Variants in CA10 observed in about 807,000 individuals in gnomAD.
CA10 encodes carbonic anhydrase 10 (inactive), also known as carbonic anhydrase-related protein 10.
CA10 carries 14 observed loss-of-function variants against 44.2 expected under a neutral mutation model. The ratio of observed to expected loss-of-function variants is 0.32; its 90% CI spans 0.21 to 0.50. The LOEUF is 0.50. Ranked by LOEUF, CA10 falls within the 20% of genes least tolerant of loss-of-function variation. The pLI is 0.99. For synonymous variants in CA10, 159 were observed against 141.6 expected (o/e 1.12, Z -0.87); for missense variants, 350 against 409.7 (o/e 0.85, Z 1.26).
intron 1 of CA10, among the ~76,000 whole-genome samples, chr17:52,102,241 G>A (rs1054208624): frequency 6.6e-6 from 1 of 152,166 alleles, no homozygotes; most frequent in Non-Finnish European, 1.5e-5. Context: ...AATTCTGGCC[G>A]GCCTCCTTAG....
At chr17:52,136,330 AACACC>A (rs1439430657) in intron 1 of CA10, among the ~76,000 whole-genome samples, 1 of 152,184 alleles carries the variant, frequency 6.6e-6, no homozygotes, top group Non-Finnish European at 1.5e-5. Context: ...AGCATTAGAA[AACACC>A]ACCAAGTCTG....
intron 4 of CA10, among the ~76,000 whole-genome samples, chr17:51,714,006 T>G (rs527706458): frequency 6.6e-6 from 1 of 152,318 alleles, no homozygotes; most frequent in African/African-American, 2.4e-5. Flanking sequence ...CTTTTCCGTT[T>G]CTTATAGTCA....
intron 4 of CA10, among the ~76,000 whole-genome samples, chr17:51,709,696 G>C (rs1220004918): frequency 1.3e-5 from 2 of 152,234 alleles, no homozygotes; most frequent in Non-Finnish European, 2.9e-5. Flanking sequence ...ATGGCTTGGA[G>C]TGTTCCCCAG....
intron 3 of CA10, among the ~76,000 whole-genome samples, chr17:51,921,389 C>T (rs1982225316): frequency 6.6e-6 from 1 of 152,188 alleles, no homozygotes; most frequent in Admixed American, 6.5e-5. Flanking sequence ...TACTTTCAAA[C>T]AGCAGAGCTA....
intron 2 of CA10, among the ~76,000 whole-genome samples, chr17:52,006,205 A>G (rs953505384): frequency 6.6e-6 from 1 of 151,844 alleles, no homozygotes; most frequent in Non-Finnish European, 1.5e-5. Flanking sequence ...AGCAGTTCCT[A>G]CAGAAGGAAG....
chr17:51,944,700 A>C (rs979556486), intron 2 of CA10, among the ~76,000 whole-genome samples: 5 of 152,118 alleles, frequency 3.3e-5, no homozygotes, highest in Non-Finnish European at 5.9e-5. Context: ...AATAACCAAA[A>C]TGTGGATAGA....
chr17:51,746,279 T>A (rs1021404599), intron 4 of CA10, among the ~76,000 whole-genome samples: 3 of 152,252 alleles, frequency 2.0e-5, no homozygotes, highest in African/African-American at 4.8e-5. Flanking sequence ...CATTGTTGTT[T>A]ATCAATCATT....
intron 3 of CA10, among the ~76,000 whole-genome samples, chr17:51,835,600 A>G (rs1908448663): frequency 6.6e-6 from 1 of 152,258 alleles, no homozygotes; most frequent in Admixed American, 6.5e-5. Context: ...TCGATTCAAC[A>G]AAATAAACAT....
rs941964676 is a variant in CA10, at chr17:52,014,329, A to G, written c.136+57990T>C. Reference sequence around the variant, plus strand: ...GAAGGGAAAGCCTAGAATCACATGCATTATGTGCAAAGTTGGAATACGAAG... The same window carrying G: ...GAAGGGAAAGCCTAGAATCACATGCGTTATGTGCAAAGTTGGAATACGAAG... On this transcript the variant is annotated intron_variant, in intron 2 of 8. Coordinates refer to ENST00000451037, the MANE Select transcript of CA10 (RefSeq NM_020178.5). Among the ~76,000 whole-genome samples the G allele has an allele frequency of 2.6e-5, 4 of 152,082 alleles. No homozygotes were observed. The South Asian group carries it at 8.3e-4, about 32-fold the overall frequency.
chr17:51,787,488 CTTTT>C (rs928537348), intron 3 of CA10, among the ~76,000 whole-genome samples: 11 of 150,252 alleles, frequency 7.3e-5, no homozygotes, highest in Non-Finnish European at 1.5e-4. Flanking sequence ...TTCTATTTTT[CTTTT>C]TTTTCCTTTT....
chr17:51,655,824 G>A (rs1482644451), intron 4 of CA10, among the ~76,000 whole-genome samples: 2 of 152,228 alleles, frequency 1.3e-5, no homozygotes, highest in Non-Finnish European at 1.5e-5. Context: ...TGCTGCTCTT[G>A]AAATATCCTA....
At chr17:51,856,908 A>C (rs1310017152) in intron 3 of CA10, among the ~76,000 whole-genome samples, 1 of 152,202 alleles carries the variant, frequency 6.6e-6, no homozygotes, top group African/African-American at 2.4e-5. Context: ...GACATAACAT[A>C]AAGTCCATGG....
chr17:51,660,460 C>T (rs1232995492), intron 4 of CA10, among the ~76,000 whole-genome samples: 4 of 152,216 alleles, frequency 2.6e-5, no homozygotes, highest in Admixed American at 2.6e-4. Flanking sequence ...TCCAAGTTGA[C>T]ACAAGCCACA....
intron 1 of CA10, among the ~76,000 whole-genome samples, chr17:52,155,881 C>A (rs1329280730): frequency 6.6e-6 from 1 of 152,182 alleles, no homozygotes; most frequent in Admixed American, 6.5e-5. Flanking sequence ...CTAATGCTTC[C>A]ATTTGAATAA....
intron 1 of CA10, among the ~76,000 whole-genome samples, chr17:52,088,333 A>C (rs779798654): frequency 1.3e-5 from 2 of 152,246 alleles, no homozygotes; most frequent in African/African-American, 2.4e-5. Context: ...GCAAACTCCA[A>C]AGTTTTTAAA....
intron 2 of CA10, among the ~76,000 whole-genome samples, chr17:52,012,418 C>T (rs1985828832): frequency 6.6e-6 from 1 of 151,988 alleles, no homozygotes; most frequent in South Asian, 2.1e-4. Context: ...TGAGGTAACA[C>T]ACTGTCTCCT....
chr17:51,992,220 G>T (rs1006443332), intron 2 of CA10, among the ~76,000 whole-genome samples: 1 of 152,046 alleles, frequency 6.6e-6, no homozygotes, highest in African/African-American at 2.4e-5. Context: ...ATAAAAAAAA[G>T]GAGTTACAAT....
At chr17:51,852,320 A>G (rs953993722) in intron 3 of CA10, among the ~76,000 whole-genome samples, 1 of 152,196 alleles carries the variant, frequency 6.6e-6, no homozygotes, top group African/African-American at 2.4e-5. Flanking sequence ...TCTCCACACT[A>G]TAATGATAAG....
At chr17:52,041,870 T>G (rs2907776) in intron 2 of CA10, among the ~76,000 whole-genome samples, 150,715 of 152,146 alleles carry the variant, frequency 0.99, 74,666 homozygotes, top group East Asian at 1. Flanking sequence ...TTGTTTCATC[T>G]TATATAATGT....
Sources: gnomAD v4.1 joint callset for allele counts (sites outside exome capture counted in the v4.1 genomes callset) on GRCh38, gnomAD v4.1.1 for gene constraint, MANE v1.5 for transcripts, NCBI Gene and HGNC (gene_info 2026-07-23, HGNC 2026-07-21) for gene names.